Variants in SHISA9 observed in about 807,000 individuals in gnomAD.
The protein encoded by SHISA9 is protein shisa-9.
A neutral mutation model predicts 38.0 loss-of-function variants in SHISA9; 13 were observed. That is an observed-to-expected ratio of 0.34 (90% CI 0.22 to 0.54). The LOEUF (loss-of-function observed/expected upper bound fraction) is 0.54. Among genes scored for constraint, SHISA9 ranks in the 20% least tolerant of loss-of-function variants. The pLI is 0.91. For synonymous variants in SHISA9, 275 were observed against 242.0 expected (o/e 1.14, Z -1.27); for missense variants, 538 against 575.8 (o/e 0.93, Z 0.67).
chr16:13,156,395 A>T (rs901232754), intron 2 of SHISA9, among the ~76,000 whole-genome samples: 1 of 152,208 alleles, frequency 6.6e-6, no homozygotes, highest in African/African-American at 2.4e-5. Context: ...ATATGCACAC[A>T]ATCCTGCCAA....
the SHISA9 span, among the ~76,000 whole-genome samples, chr16:13,338,252 A>G: frequency 9.8e-5 from 15 of 152,338 alleles, no homozygotes; most frequent in Non-Finnish European, 2.1e-4. Flanking sequence ...TGAAGCTTCC[A>G]GTATCCCTAA....
chr16:12,942,464 C>T (rs1470005583), intron 2 of SHISA9, among the ~76,000 whole-genome samples: 5 of 152,230 alleles, frequency 3.3e-5, no homozygotes, highest in African/African-American at 7.2e-5. Context: ...GCATGAGTCC[C>T]TCAGTGTTCA....
chr16:13,484,863 C>T, the SHISA9 span, among the ~76,000 whole-genome samples: 1 of 152,164 alleles, frequency 6.6e-6, no homozygotes, highest in Admixed American at 6.5e-5. Flanking sequence ...GGGACGTCCA[C>T]TCCCATGATC....
chr16:13,214,335 G>A (rs1166283855), intron 4 of SHISA9, among the ~76,000 whole-genome samples: 1 of 152,118 alleles, frequency 6.6e-6, no homozygotes, highest in African/African-American at 2.4e-5. Context: ...CTGAGTAGCT[G>A]GGATTACAGG....
At chr16:13,351,906 G>A in the SHISA9 span, among the ~76,000 whole-genome samples, 2 of 152,216 alleles carry the variant, frequency 1.3e-5, no homozygotes, top group African/African-American at 4.8e-5. Context: ...CTGCTATCCT[G>A]TGAAGGGTTT....
chr16:13,308,901 T>C, the SHISA9 span, among the ~76,000 whole-genome samples: 481 of 152,320 alleles, frequency 3.2e-3, 2 homozygotes, highest in Non-Finnish European at 5.1e-3. Context: ...ATGACATGAA[T>C]AAACAGAATG....
In SHISA9 at chr16:12,979,596, C is replaced by A. The variant is rs141359997; in HGVS notation, c.691+62781C>A. 1.4e-3 allele frequency among the ~76,000 whole-genome samples: 209 copies of A among 152,120 alleles called. 1 individual carries two copies. Among genetic ancestry groups the A allele is most frequent in the African/African-American group, 4.8e-3 (198 of 41,516 alleles). On this transcript the variant is annotated intron_variant, in intron 2 of 4. Coordinates refer to ENST00000558583, the MANE Select transcript of SHISA9 (RefSeq NM_001145204.3). ...GTATTGCTTCTCGTATAGTCTTGAA[C>A]GTGTATATTTTTATGTTGCTTGCTT...
At chr16:13,345,337 G>A in the SHISA9 span, among the ~76,000 whole-genome samples, 1 of 152,068 alleles carries the variant, frequency 6.6e-6, no homozygotes, top group Non-Finnish European at 1.5e-5. Flanking sequence ...GCTCCCACTT[G>A]TAAGTGAGAA....
At chr16:13,381,153 C>T in the SHISA9 span, among the ~76,000 whole-genome samples, 1 of 151,718 alleles carries the variant, frequency 6.6e-6, no homozygotes, top group Non-Finnish European at 1.5e-5. Flanking sequence ...AGAGAAGAGG[C>T]AAAGATAATA....
the SHISA9 span, among the ~76,000 whole-genome samples, chr16:13,269,210 C>G: frequency 6.6e-6 from 1 of 152,178 alleles, no homozygotes; most frequent in Non-Finnish European, 1.5e-5. Context: ...TTTGTGGCAC[C>G]TATGCATCCT....
intron 2 of SHISA9, among the ~76,000 whole-genome samples, chr16:13,186,033 G>A (rs16961304): frequency 0.15 from 22,331 of 152,156 alleles, 1,901 homozygotes; most frequent in Middle Eastern, 0.23. Context: ...CCATGGTAGC[G>A]AATTGGCTGG....
chr16:13,526,592 G>A, the SHISA9 span, among the ~76,000 whole-genome samples: 1 of 152,026 alleles, frequency 6.6e-6, no homozygotes, highest in East Asian at 1.9e-4. Flanking sequence ...CACCATGTTG[G>A]CCAGGCTGGT....
rs370017098 is a variant in SHISA9 at position 12,910,821 on chromosome 16, C to T, written c.564-5867C>T. ...GTCCAAAATCTCCAGAGCCTCTGTACTTGTACAAGTCTGAAGGCCGACAGG... is the reference window on the plus strand; with the variant it reads ...GTCCAAAATCTCCAGAGCCTCTGTATTTGTACAAGTCTGAAGGCCGACAGG... On this transcript the variant is annotated intron_variant, in intron 1 of 4. Transcript: ENST00000558583. 3.8e-6 allele frequency: 3 copies of T among 782,178 alleles called. No homozygotes were observed. The East Asian group carries it at 3.8e-4, about 99-fold the overall frequency. The allele number at this position is 782,178 out of a possible 1,614,324, so 48.5% of individuals were successfully genotyped here.
chr16:13,507,308 T>C, the SHISA9 span, among the ~76,000 whole-genome samples: 4 of 151,806 alleles, frequency 2.6e-5, no homozygotes, highest in Non-Finnish European at 5.9e-5. Context: ...AGAGTCAGGG[T>C]ATTAGTAGGA....
chr16:13,285,852 G>T, the SHISA9 span, among the ~76,000 whole-genome samples: 1 of 152,070 alleles, frequency 6.6e-6, no homozygotes, highest in African/African-American at 2.4e-5. Context: ...GGATACTGGT[G>T]GTTCTCCTCC....
chr16:13,493,660 G>A, the SHISA9 span, among the ~76,000 whole-genome samples: 10 of 152,116 alleles, frequency 6.6e-5, no homozygotes, highest in Non-Finnish European at 1.3e-4. Flanking sequence ...AACAGAAAGA[G>A]AAAACAGTGG....
At chr16:13,406,658 C>A in the SHISA9 span, among the ~76,000 whole-genome samples, 1 of 152,202 alleles carries the variant, frequency 6.6e-6, no homozygotes. Flanking sequence ...TAGTGTAAGG[C>A]ATTAGTTGGG....
the SHISA9 span, among the ~76,000 whole-genome samples, chr16:13,291,431 T>G: frequency 6.6e-6 from 1 of 152,174 alleles, no homozygotes; most frequent in African/African-American, 2.4e-5. Flanking sequence ...TTGGCAGTCT[T>G]GAAATGTACA....
At chr16:13,219,919 C>G (rs1159047265) in intron 4 of SHISA9, among the ~76,000 whole-genome samples, 5 of 152,118 alleles carry the variant, frequency 3.3e-5, no homozygotes, top group Admixed American at 6.5e-5. Context: ...GATCACGCCA[C>G]TGCACTCCAG....
Sources: allele counts gnomAD v4.1 joint callset (sites outside exome capture counted in the v4.1 genomes callset), GRCh38; gene constraint gnomAD v4.1.1; transcripts MANE v1.5; gene names NCBI Gene and HGNC (gene_info 2026-07-23, HGNC 2026-07-21).